COL9A1: variants seen among roughly 807,000 people sequenced by gnomAD.
The protein encoded by COL9A1 is collagen alpha-1(IX) chain.
Under a neutral mutation model 142.6 loss-of-function variants are expected in COL9A1, and 104 were observed. That is an observed-to-expected ratio of 0.73 (90% confidence interval 0.62 to 0.86). The LOEUF (loss-of-function observed/expected upper bound fraction) is 0.86. COL9A1 is among the 40% of genes least tolerant of loss of function. The pLI is 0.00. For missense variants in COL9A1, 1,210 were observed against 1,176.6 expected (o/e 1.03, Z -0.42); for synonymous variants, 466 against 396.0 (o/e 1.18, Z -2.10).
At chr6:70,267,741 C>T (rs1368360667) in intron 17 of COL9A1, among the ~76,000 whole-genome samples, 1 of 152,216 alleles carries the variant, frequency 6.6e-6, no homozygotes, top group African/African-American at 2.4e-5. Flanking sequence ...CACGTGTGTG[C>T]TTTGTAACAG....
In COL9A1 at chr6:70,273,117, C is replaced by T. The variant is rs146599438; in HGVS notation, c.1065+930G>A. On this transcript the variant is annotated intron_variant, in intron 12 of 37. Coordinates refer to ENST00000357250, the MANE Select transcript of COL9A1 (RefSeq NM_001851.6). ...TAATTAGTTGGACAGGAAAAACAAGCAAGAACTTCACATGGACAGTATGTT... is the reference window on the plus strand; with the variant it reads ...TAATTAGTTGGACAGGAAAAACAAGTAAGAACTTCACATGGACAGTATGTT... Among the ~76,000 whole-genome samples, 454 of 152,234 alleles carry T rather than the reference C, an allele frequency of 3.0e-3. 1 individual carries two copies. Among genetic ancestry groups the T allele is most frequent in the African/African-American group, 0.011 (442 of 41,552 alleles).
intron 6 of COL9A1, 39 bp downstream of exon 6, chr6:70,283,698 T>C (rs41265347): frequency 1.7e-5 from 25 of 1,493,938 alleles, no homozygotes; most frequent in Non-Finnish European, 2.3e-5. Context: ...AGGGTTGAGC[T>C]GGGTAGAAGT....
At chr6:70,269,189 T>C (rs1284722161) in intron 16 of COL9A1, among the ~76,000 whole-genome samples, 2 of 152,214 alleles carry the variant, frequency 1.3e-5, no homozygotes, top group East Asian at 3.9e-4. Context: ...GATAACCTAT[T>C]GTACCATGAC....
At chr6:70,259,587 C>T (rs1771541464) in intron 20 of COL9A1, among the ~76,000 whole-genome samples, 1 of 152,144 alleles carries the variant, frequency 6.6e-6, no homozygotes, top group African/African-American at 2.4e-5. Flanking sequence ...AACGGCAACA[C>T]CTCATCCTTC....
intron 20 of COL9A1, among the ~76,000 whole-genome samples, chr6:70,259,503 A>G (rs1198620294): frequency 6.6e-6 from 1 of 152,146 alleles, no homozygotes; most frequent in Admixed American, 6.5e-5. Flanking sequence ...CAAGGAAAAC[A>G]CTTCTGAACG....
intron 26 of COL9A1, 115 bp from the exon 27 acceptor site, chr6:70,252,430 A>C (rs1771003306): frequency 2.2e-6 from 2 of 900,170 alleles, no homozygotes; most frequent in Non-Finnish European, 1.8e-6. Context: ...CCCTGCTTTC[A>C]CACTGAGAAT....
rs1774129868 is a variant in COL9A1 at position 70,302,975 on chromosome 6, TGGAA to T, written c.-55_-52del. 6.3e-7 allele frequency: 1 copy of T among 1,590,102 alleles called. No individual in the cohort carries two copies. The highest frequency in any genetic ancestry group is 2.2e-5 in the East Asian group (1 of 44,738). ...CCAACAGTCCCTATGAAGAAGGGGTTGGAAGGGAGTCACTGTCCCCTCACGACCC... is the reference window on the plus strand; with the variant it reads ...CCAACAGTCCCTATGAAGAAGGGGTTGGGAGTCACTGTCCCCTCACGACCC... On this transcript the variant is annotated 5_prime_UTR_variant, in exon 1 of 38. Transcript: ENST00000357250.
chr6:70,300,199 A>G, intron 3 of COL9A1, 24 bp from the exon 4 acceptor site: 3 of 1,613,630 alleles, frequency 1.9e-6, no homozygotes, highest in Non-Finnish European at 2.5e-6. Context: ...ATACAAAATG[A>G]AAAGTCTAAA....
chr6:70,272,143 A>C, intron 12 of COL9A1, 55 bp from the exon 13 acceptor site: 1 of 1,392,334 alleles, frequency 7.2e-7, no homozygotes, highest in Non-Finnish European at 1.0e-6. Flanking sequence ...TAGTATAAAT[A>C]TGAATGTAGA....
At chr6:70,224,578 A>G (rs1367178442) in intron 37 of COL9A1, among the ~76,000 whole-genome samples, 1 of 152,238 alleles carries the variant, frequency 6.6e-6, no homozygotes, top group Admixed American at 6.5e-5. Flanking sequence ...TCATAAATAT[A>G]TAGATAATTA....
intron 28 of COL9A1, among the ~76,000 whole-genome samples, chr6:70,244,313 G>T (rs1243389062): frequency 1.3e-5 from 2 of 152,202 alleles, no homozygotes. Context: ...AGTGCCCCAT[G>T]AGGGTGGATA....
At chr6:70,297,406 T>A (rs369190904) in intron 4 of COL9A1, among the ~76,000 whole-genome samples, 1 of 152,124 alleles carries the variant, frequency 6.6e-6, no homozygotes, top group African/African-American at 2.4e-5. Flanking sequence ...TAGGCTAGTA[T>A]AGTAGTCAAT....
chr6:70,264,717 T>G (rs1771905195), intron 18 of COL9A1, among the ~76,000 whole-genome samples: 1 of 152,090 alleles, frequency 6.6e-6, no homozygotes, highest in Admixed American at 6.5e-5. Context: ...TAATCCATAA[T>G]TATGAAGTTT....
rs368551505 is a variant in COL9A1 at position 70,234,353 on chromosome 6, C to T, written c.2314+186G>A. Among the ~76,000 whole-genome samples the T allele has an allele frequency of 5.3e-5, 8 of 151,498 alleles. No individual in the cohort carries two copies. In the East Asian group the frequency reaches 5.8e-4, roughly 11 times the overall value. ...AAAGTAATATTTTACATTGAGGCTA[C>T]GGGCTGTATACTATTGTGGATGCCA... On this transcript the variant is annotated intron_variant, in intron 35 of 37. Coordinates refer to ENST00000357250, the MANE Select transcript of COL9A1 (RefSeq NM_001851.6).
At chr6:70,280,162 A>G (rs1248386792) in intron 10 of COL9A1, 1 of 588,056 alleles carries the variant, frequency 1.7e-6, no homozygotes, top group Non-Finnish European at 2.9e-6. Context: ...AAACTGGAGA[A>G]AGCCTGCTGG....
intron 5 of COL9A1, among the ~76,000 whole-genome samples, chr6:70,287,875 T>C (rs1773516258): frequency 6.6e-6 from 1 of 152,210 alleles, no homozygotes; most frequent in African/African-American, 2.4e-5. Flanking sequence ...TAATCTCTTT[T>C]GACAAATGTT....
intron 35 of COL9A1, among the ~76,000 whole-genome samples, chr6:70,233,370 C>T (rs886510607): frequency 2.6e-5 from 4 of 152,126 alleles, no homozygotes; most frequent in Admixed American, 2.0e-4. Context: ...TTAAAAATAA[C>T]TTGTTTCTTG....
chr6:70,268,221 CT>C (rs572260654), intron 17 of COL9A1, among the ~76,000 whole-genome samples: 8,890 of 146,526 alleles, frequency 0.061, 348 homozygotes, highest in Non-Finnish European at 0.093. Flanking sequence ...ATAGGAAGCA[CT>C]TTTTTTTTTT....
At chr6:70,299,448 A>G (rs2127607966) in intron 4 of COL9A1, among the ~76,000 whole-genome samples, 1 of 152,338 alleles carries the variant, frequency 6.6e-6, no homozygotes, top group South Asian at 2.1e-4. Flanking sequence ...TGATGACAGG[A>G]CTCAACACTT....
Sources: allele counts gnomAD v4.1 joint callset (sites outside exome capture counted in the v4.1 genomes callset), GRCh38; gene constraint gnomAD v4.1.1; transcripts MANE v1.5; gene names NCBI Gene and HGNC (gene_info 2026-07-23, HGNC 2026-07-21).